Variants in KIF18A observed in about 807,000 individuals in gnomAD.
KIF18A encodes kinesin family member 18A, also known as kinesin-like protein KIF18A.
In KIF18A, 67 loss-of-function variants were observed where a neutral mutation model predicts 103.3. The ratio of observed to expected loss-of-function variants is 0.65; its 90% CI spans 0.53 to 0.79. KIF18A has a LOEUF of 0.79. Ranked by LOEUF, KIF18A falls within the 30% of genes least tolerant of loss-of-function variation. KIF18A has a pLI of 0.00. For synonymous variants in KIF18A, 367 were observed against 355.5 expected (o/e 1.03, Z -0.36); for missense variants, 1,032 against 1,062.5 (o/e 0.97, Z 0.40).
rs375670952 is a variant in KIF18A at position 28,088,616 on chromosome 11, C to T, written c.805G>A (p.Gly269Ser). Reference protein sequence around the residue: ...LAGSERASTSGAKGTRFVEGT... With the variant: ...LAGSERASTSSAKGTRFVEGT... Reference sequence around the variant, plus strand: ...TCTACAAATCGGGTCCCCTTAGCACCGGAAGTACTTGCTCGCTCAGATCCT... The same window carrying T: ...TCTACAAATCGGGTCCCCTTAGCACTGGAAGTACTTGCTCGCTCAGATCCT... Residue 269 changes from glycine to serine, a missense_variant, in exon 6 of 17, where the codon GGT becomes AGT. Gly to Ser is a moderately conservative substitution (Grantham distance 56). Coordinates refer to ENST00000263181, the MANE Select transcript of KIF18A (RefSeq NM_031217.4). The T allele has an allele frequency of 9.5e-5, 154 of 1,613,906 alleles. No homozygotes were observed. The highest frequency in any genetic ancestry group is 1.3e-4 in the African/African-American group (10 of 74,984).
intron 13 of KIF18A, among the ~76,000 whole-genome samples, chr11:28,050,106 C>A (rs1850693182): frequency 1.3e-5 from 2 of 151,636 alleles, no homozygotes; most frequent in Non-Finnish European, 3.0e-5. Context: ...ATAAATCAAC[C>A]CATAACCTTT....
intron 13 of KIF18A, among the ~76,000 whole-genome samples, chr11:28,043,784 C>T (rs933986002): frequency 2.0e-5 from 3 of 151,470 alleles, no homozygotes; most frequent in Non-Finnish European, 4.4e-5. Context: ...AAATATAATC[C>T]AATTCATCAA....
At chr11:28,076,449 C>T (rs531248724) in intron 10 of KIF18A, 1 of 152,298 alleles carries the variant, frequency 6.6e-6, no homozygotes, top group Admixed American at 6.5e-5. Context: ...AGAAAAACAA[C>T]AGTTGTAACT....
intron 1 of KIF18A, among the ~76,000 whole-genome samples, chr11:28,107,180 G>A (rs1175440944): frequency 2.0e-5 from 3 of 152,000 alleles, no homozygotes; most frequent in African/African-American, 7.2e-5. Context: ...TTACAAAAAC[G>A]AAACAGGAGG....
intron 7 of KIF18A, chr11:28,084,376 G>GTACC (rs1851200656): frequency 6.3e-6 from 1 of 157,700 alleles, no homozygotes; most frequent in Non-Finnish European, 1.4e-5. Flanking sequence ...AGGTTAGGGA[G>GTACC]AAAGCCACTC....
rs750727007 is a variant in KIF18A at position 28,051,047 on chromosome 11, C to T, written c.1948+7879G>A. Among the ~76,000 whole-genome samples, 50 of 151,514 alleles carry T rather than the reference C, an allele frequency of 3.3e-4. 1 individual carries two copies. Among genetic ancestry groups the T allele is most frequent in the Non-Finnish European group, 1.0e-4 (7 of 67,742 alleles). On this transcript the variant is annotated intron_variant, in intron 13 of 16. Coordinates refer to ENST00000263181, the MANE Select transcript of KIF18A (RefSeq NM_031217.4). ...TCTATTCAGTCAAATTTATAAAACA[C>T]TTACGAAGAAAACTCTGAAACTTTG... is the stretch of plus-strand genomic sequence containing the variant.
intron 6 of KIF18A, among the ~76,000 whole-genome samples, chr11:28,088,225 T>C (rs1028464364): frequency 6.6e-6 from 1 of 152,158 alleles, no homozygotes; most frequent in Non-Finnish European, 1.5e-5. Context: ...TAGTGATCAC[T>C]TTAAAAACCA....
intron 15 of KIF18A, among the ~76,000 whole-genome samples, chr11:28,034,230 G>A (rs772259322): frequency 2.0e-5 from 3 of 151,610 alleles, no homozygotes; most frequent in Admixed American, 6.6e-5. Flanking sequence ...TCTGCCTCAC[G>A]TATGAATCAC....
intron 13 of KIF18A, among the ~76,000 whole-genome samples, chr11:28,047,823 T>C (rs1385024624): frequency 1.3e-5 from 2 of 152,108 alleles, no homozygotes; most frequent in African/African-American, 4.8e-5. Context: ...TTTCCTATTA[T>C]TACTGAAAAG....
chr11:28,026,245 T>C (rs1430792416), intron 15 of KIF18A, among the ~76,000 whole-genome samples: 1 of 151,824 alleles, frequency 6.6e-6, no homozygotes, highest in Non-Finnish European at 1.5e-5. Context: ...CAAACTCTAA[T>C]GCCATTTTAT....
At position 28,020,940 on chromosome 11, in the gene KIF18A, T is replaced by G; in HGVS notation, c.*260A>C. 1 of 199,256 alleles carries G rather than the reference T, an allele frequency of 5.0e-6. No homozygotes were observed. Among genetic ancestry groups the G allele is most frequent in the Non-Finnish European group, 9.8e-6 (1 of 101,604 alleles). The allele number at this position is 199,256 out of a possible 1,614,324, so 12.3% of individuals were successfully genotyped here. A position where few individuals can be genotyped will look rare whatever the true frequency, so the allele number is the denominator to read the frequency against. The stretch of plus-strand genomic sequence containing the variant: ...TAGTAAAACTAAGCTGCCACCATGG[T>G]AACTTACACTCAGGGATTTTAAAAG... On this transcript the variant is annotated 3_prime_UTR_variant, in exon 17 of 17. Transcript: ENST00000263181.
chr11:28,106,433 G>C (rs1851505009), intron 1 of KIF18A, among the ~76,000 whole-genome samples: 1 of 151,532 alleles, frequency 6.6e-6, no homozygotes. Flanking sequence ...TATCAGTCTT[G>C]GGGGCACTAC....
At position 28,057,620 on chromosome 11, in the gene KIF18A, T is replaced by C. The variant is rs188534861; in HGVS notation, c.1948+1306A>G. ...AAGATGAAACAGTTACTCTCATGGG[T>C]ACTAAGTACAGAAAAAAATTATGAA... On this transcript the variant is annotated intron_variant, in intron 13 of 16. Transcript: ENST00000263181. Among the ~76,000 whole-genome samples, 376 of 152,152 alleles carry C rather than the reference T, an allele frequency of 2.5e-3. 9 individuals carry two copies. Among genetic ancestry groups the C allele is most frequent in the Admixed American group, 0.023 (345 of 15,268 alleles).
At chr11:28,075,949 T>C (rs1386252755) in intron 10 of KIF18A, among the ~76,000 whole-genome samples, 1 of 152,138 alleles carries the variant, frequency 6.6e-6, no homozygotes, top group Admixed American at 6.5e-5. Flanking sequence ...GACTTTTTTT[T>C]CTTACCCCAG....
At chr11:28,043,541 C>T (rs958614114) in intron 13 of KIF18A, among the ~76,000 whole-genome samples, 13 of 152,030 alleles carry the variant, frequency 8.6e-5, no homozygotes, top group South Asian at 6.2e-4. Context: ...AATTAAATCA[C>T]TTAGGCAATG....
Position 28,088,507 on chromosome 11 carries a change from A to C in KIF18A, c.897+17T>G. The C allele has an allele frequency of 6.3e-7, 1 of 1,590,958 alleles. No individual in the cohort carries two copies. Among genetic ancestry groups the C allele is most frequent in the Non-Finnish European group, 8.6e-7 (1 of 1,159,760 alleles). On this transcript the variant is annotated intron_variant, in intron 6 of 16. Transcript: ENST00000263181. ...CAATATTTCAAACTATTTAACAAAT[A>C]AACATATAATGCCTACCTTTGAATC...
intron 2 of KIF18A, chr11:28,097,409 T>C: frequency 1.9e-6 from 1 of 518,112 alleles, no homozygotes; most frequent in East Asian, 3.4e-5. Context: ...AGTAAGGCCC[T>C]GGAAGAGAAA....
chr11:28,061,010 C>G (rs778204594), intron 12 of KIF18A, among the ~76,000 whole-genome samples: 1 of 152,132 alleles, frequency 6.6e-6, no homozygotes, highest in East Asian at 1.9e-4. Context: ...TTCCCTTTGC[C>G]GAATGTGCTT....
chr11:28,107,197 G>A (rs941880176), intron 1 of KIF18A, among the ~76,000 whole-genome samples: 13 of 152,088 alleles, frequency 8.5e-5, no homozygotes, highest in Non-Finnish European at 1.6e-4. Flanking sequence ...GAGGCTAGAC[G>A]TGGTGGAATG....
Sources: gnomAD v4.1 joint callset for allele counts (sites outside exome capture counted in the v4.1 genomes callset) on GRCh38, gnomAD v4.1.1 for gene constraint, MANE v1.5 for transcripts, NCBI Gene and HGNC (gene_info 2026-07-23, HGNC 2026-07-21) for gene names.